CNTNAP2: variants seen among roughly 807,000 people sequenced by gnomAD.
CNTNAP2 encodes contactin associated protein 2, also known as contactin-associated protein-like 2.
In CNTNAP2, 98 loss-of-function variants were observed where a neutral mutation model predicts 155.2. The observed-to-expected ratio is 0.63, with a 90% confidence interval of 0.54 to 0.75. The LOEUF is 0.75. CNTNAP2 is among the 30% of genes least tolerant of loss of function. The probability of loss-of-function intolerance (pLI) is 0.00; values close to 1 mark genes in which losing one functional copy is unlikely to be tolerated. For missense variants in CNTNAP2, 1,727 were observed against 1,688.1 expected, an observed-to-expected ratio of 1.02 and a Z score of -0.40; for synonymous variants, 651 against 631.2, an observed-to-expected ratio of 1.03 and a Z score of -0.47.
At chr7:146,860,039 A>T (rs867768995) in intron 3 of CNTNAP2, among the ~76,000 whole-genome samples, 1 of 152,208 alleles carries the variant, frequency 6.6e-6, no homozygotes, top group South Asian at 2.1e-4. Context: ...GTGAAACAAG[A>T]TTTTAAATAG....
chr7:146,669,726 C>T (rs1051535175), intron 1 of CNTNAP2, among the ~76,000 whole-genome samples: 1 of 152,130 alleles, frequency 6.6e-6, no homozygotes, highest in Non-Finnish European at 1.5e-5. Context: ...AAACATCTCC[C>T]TCCAACTAGG....
At chr7:146,208,171 T>A (rs1396917792) in intron 1 of CNTNAP2, among the ~76,000 whole-genome samples, 1 of 152,100 alleles carries the variant, frequency 6.6e-6, no homozygotes, top group Non-Finnish European at 1.5e-5. Flanking sequence ...GTGGTGGTGT[T>A]TGGGTATATA....
At chr7:148,379,566 G>T (rs1411340763) in intron 21 of CNTNAP2, among the ~76,000 whole-genome samples, 1 of 152,036 alleles carries the variant, frequency 6.6e-6, no homozygotes, top group Non-Finnish European at 1.5e-5. Flanking sequence ...AAAAAAATTA[G>T]TCGGGCATGG....
chr7:146,797,284 A>G (rs1802788407), intron 2 of CNTNAP2, among the ~76,000 whole-genome samples: 1 of 152,222 alleles, frequency 6.6e-6, no homozygotes, highest in Non-Finnish European at 1.5e-5. Flanking sequence ...ACAAATTGGC[A>G]TGTGTGCAAA....
intron 1 of CNTNAP2, among the ~76,000 whole-genome samples, chr7:146,325,801 C>T (rs954045149): frequency 6.6e-6 from 1 of 151,968 alleles, no homozygotes; most frequent in African/African-American, 2.4e-5. Context: ...TAAATTGGGT[C>T]AACAAGACAC....
rs1428389576 is a variant in CNTNAP2 at position 146,877,150 on chromosome 7, A to G, written c.402+37246A>G. The stretch of plus-strand genomic sequence containing the variant: ...AATAACAAAAGCATTGCATTCAGAA[A>G]CAAGAACATACAAGTTAATGAAAAG... On this transcript the variant is annotated intron_variant, in intron 3 of 23. Coordinates refer to ENST00000361727, the MANE Select transcript of CNTNAP2 (RefSeq NM_014141.6). 5.3e-5 allele frequency among the ~76,000 whole-genome samples: 8 copies of G among 152,126 alleles called. No individual in the cohort carries two copies. In the South Asian group the frequency reaches 1.7e-3, roughly 31 times the overall value.
At chr7:146,844,871 G>T (rs970185824) in intron 3 of CNTNAP2, among the ~76,000 whole-genome samples, 85 of 152,232 alleles carry the variant, frequency 5.6e-4, no homozygotes, top group African/African-American at 1.9e-3. Context: ...TTAAGTAGGT[G>T]TTAGACTGAA....
At chr7:148,041,010 T>G (rs1283623649) in intron 15 of CNTNAP2, among the ~76,000 whole-genome samples, 1 of 152,210 alleles carries the variant, frequency 6.6e-6, no homozygotes, top group East Asian at 1.9e-4. Context: ...GTTCATAGTT[T>G]ATAGATGTAC....
intron 1 of CNTNAP2, among the ~76,000 whole-genome samples, chr7:146,272,042 A>T (rs1584840249): frequency 1.3e-5 from 2 of 152,214 alleles, no homozygotes; most frequent in East Asian, 3.9e-4. Flanking sequence ...AACACTGTGT[A>T]TTAGTCCATT....
chr7:146,254,843 G>T (rs968125221), intron 1 of CNTNAP2, among the ~76,000 whole-genome samples: 2 of 152,060 alleles, frequency 1.3e-5, no homozygotes, highest in African/African-American at 4.8e-5. Flanking sequence ...ATCACTGAAG[G>T]TAGGAAACAA....
At chr7:146,511,075 T>G (rs944913358) in intron 1 of CNTNAP2, among the ~76,000 whole-genome samples, 3 of 152,022 alleles carry the variant, frequency 2.0e-5, no homozygotes, top group African/African-American at 7.2e-5. Context: ...TTTTGTATTT[T>G]TTTTAGTAGA....
At chr7:147,597,288 C>A (rs1379770966) in intron 12 of CNTNAP2, among the ~76,000 whole-genome samples, 2 of 152,144 alleles carry the variant, frequency 1.3e-5, no homozygotes, top group Non-Finnish European at 2.9e-5. Flanking sequence ...CTATCTAGAA[C>A]TTTCCCCTGT....
At chr7:148,190,374 T>G (rs1795185906) in intron 18 of CNTNAP2, 1 of 152,230 alleles carries the variant, frequency 6.6e-6, no homozygotes, top group South Asian at 2.1e-4. Context: ...TAATTGTTGT[T>G]GTTTTAAACC....
intron 1 of CNTNAP2, among the ~76,000 whole-genome samples, chr7:146,324,595 G>T (rs900138655): frequency 2.0e-5 from 3 of 152,180 alleles, no homozygotes; most frequent in South Asian, 2.1e-4. Context: ...TTCAGTCAGG[G>T]TTCTTTGATT....
At chr7:148,286,309 ATC>A (rs1157163609) in intron 21 of CNTNAP2, among the ~76,000 whole-genome samples, 1 of 152,118 alleles carries the variant, frequency 6.6e-6, no homozygotes, top group Non-Finnish European at 1.5e-5. Context: ...CTTTTCCTCC[ATC>A]TCTCTGTGTC....
At chr7:147,437,314 C>T (rs11764538) in intron 10 of CNTNAP2, among the ~76,000 whole-genome samples, 28,458 of 152,104 alleles carry the variant, frequency 0.19, 3,205 homozygotes, top group Non-Finnish European at 0.25. Context: ...CACTGGGCTG[C>T]ATAGAGCTTT....
At chr7:146,126,350 A>G (rs17169951) in intron 1 of CNTNAP2, among the ~76,000 whole-genome samples, 2,349 of 152,352 alleles carry the variant, frequency 0.015, 51 homozygotes, top group African/African-American at 0.053. Context: ...AGACTTAAAA[A>G]TTACATTGGT....
intron 3 of CNTNAP2, among the ~76,000 whole-genome samples, chr7:146,841,288 TGAAGAG>T (rs10550924): frequency 0.13 from 19,758 of 147,452 alleles, 4,332 homozygotes; most frequent in African/African-American, 0.46. Flanking sequence ...ATGCTGAAAA[TGAAGAG>T]GAGAACAGAA....
intron 13 of CNTNAP2, among the ~76,000 whole-genome samples, chr7:147,702,608 A>C (rs575393683): frequency 6.6e-6 from 1 of 152,144 alleles, no homozygotes; most frequent in South Asian, 2.1e-4. Flanking sequence ...CCAGAAGACC[A>C]ACAGTTCAGA....
Sources: allele counts gnomAD v4.1 joint callset (sites outside exome capture counted in the v4.1 genomes callset), GRCh38; gene constraint gnomAD v4.1.1; transcripts MANE v1.5; gene names NCBI Gene and HGNC (gene_info 2026-07-23, HGNC 2026-07-21).